The following CHSY3 variants were observed in gnomAD, a reference collection of about 807,000 sequenced individuals.
The protein encoded by CHSY3 is N-acetylgalactosaminyl-proteoglycan 3-beta-glucuronosyltransferase 3.
A neutral mutation model predicts 67.2 loss-of-function variants in CHSY3; 35 were observed. The ratio of observed to expected loss-of-function variants is 0.52; its 90% confidence interval spans 0.40 to 0.69. The LOEUF is 0.69. CHSY3 is among the 30% of genes least tolerant of loss of function. CHSY3 has a pLI of 0.00. For synonymous variants in CHSY3, 474 were observed against 434.7 expected, an observed-to-expected ratio of 1.09 and a Z score of -1.12; for missense variants, 1,069 against 1,138.5, an observed-to-expected ratio of 0.94 and a Z score of 0.88.
Position 129,904,649 on chromosome 5 carries a change from C to T in CHSY3, c.-181C>T. ...AGCTGAGCGGGAGCCCGGCAGGCAG[C>T]TGCAGCCCGCGGCAGTCGAGGCGTC... On this transcript the variant is annotated 5_prime_UTR_variant, in exon 1 of 3. Coordinates refer to ENST00000305031, the MANE Select transcript of CHSY3 (RefSeq NM_175856.5). The T allele has an allele frequency of 9.9e-7, 1 of 1,005,816 alleles. No individual in the cohort carries two copies. Among genetic ancestry groups the T allele is most frequent in the Non-Finnish European group, 1.3e-6 (1 of 791,064 alleles). The allele number at this position is 1,005,816 out of a possible 1,614,324, so 62.3% of individuals were successfully genotyped here. A position where few individuals can be genotyped will look rare whatever the true frequency, so the allele number is the denominator to read the frequency against.
chr5:130,005,307 C>T (rs529643751), intron 2 of CHSY3, among the ~76,000 whole-genome samples: 165 of 151,826 alleles, frequency 1.1e-3, no homozygotes, highest in Middle Eastern at 3.4e-3. Flanking sequence ...CCCAGCTACT[C>T]GGGAGGCTGA....
chr5:130,026,272 T>C (rs1764538471), intron 2 of CHSY3, among the ~76,000 whole-genome samples: 1 of 152,138 alleles, frequency 6.6e-6, no homozygotes, highest in Non-Finnish European at 1.5e-5. Context: ...CTCCTCTTAA[T>C]TACCAATCCA....
chr5:130,095,417 C>T lies in CHSY3; in HGVS notation c.1087-88812C>T, dbSNP rs191559975. On this transcript the variant is annotated intron_variant, in intron 2 of 2. Transcript: ENST00000305031. ...GTGCTAAACATAAGGGAACCGGGGACGAAACCTAGTGAAAGGAGCACAGAG... is the reference window on the plus strand; with the variant it reads ...GTGCTAAACATAAGGGAACCGGGGATGAAACCTAGTGAAAGGAGCACAGAG... Among the ~76,000 whole-genome samples, 17 of 152,086 alleles carry T rather than the reference C, an allele frequency of 1.1e-4. No homozygotes were observed. The East Asian group carries it at 2.1e-3, about 19-fold the overall frequency.
At chr5:130,071,257 G>A (rs907314246) in intron 2 of CHSY3, among the ~76,000 whole-genome samples, 7 of 152,114 alleles carry the variant, frequency 4.6e-5, no homozygotes, top group East Asian at 1.9e-4. Flanking sequence ...GTATAAGAGA[G>A]AACATTTGTC....
At chr5:130,029,126 C>T (rs1764639137) in intron 2 of CHSY3, among the ~76,000 whole-genome samples, 1 of 152,050 alleles carries the variant, frequency 6.6e-6, no homozygotes, top group Non-Finnish European at 1.5e-5. Context: ...CAGCCAAAAG[C>T]CAGTTGCCCC....
At chr5:130,065,938 A>G (rs1274340986) in intron 2 of CHSY3, among the ~76,000 whole-genome samples, 1 of 152,072 alleles carries the variant, frequency 6.6e-6, no homozygotes, top group Non-Finnish European at 1.5e-5. Context: ...TTTATATTAC[A>G]TTAAGATCTC....
intron 2 of CHSY3, among the ~76,000 whole-genome samples, chr5:130,133,863 C>G (rs1174070722): frequency 6.6e-6 from 1 of 150,968 alleles, no homozygotes; most frequent in African/African-American, 2.4e-5. Context: ...ATGTTTGCTC[C>G]CAAACATACA....
At chr5:130,049,185 G>A (rs1452239766) in intron 2 of CHSY3, among the ~76,000 whole-genome samples, 1 of 152,030 alleles carries the variant, frequency 6.6e-6, no homozygotes, top group African/African-American at 2.4e-5. Flanking sequence ...TAGAACTGAT[G>A]TTGAATTTCT....
chr5:129,951,551 A>C (rs1762023481), intron 2 of CHSY3, among the ~76,000 whole-genome samples: 1 of 152,178 alleles, frequency 6.6e-6, no homozygotes, highest in African/African-American at 2.4e-5. Flanking sequence ...TATCAATATG[A>C]GTAATAACAT....
chr5:130,055,058 T>C (rs1348941591), intron 2 of CHSY3, among the ~76,000 whole-genome samples: 2 of 152,186 alleles, frequency 1.3e-5, no homozygotes, highest in African/African-American at 2.4e-5. Context: ...ATCACTACTC[T>C]TCACCCTGTG....
intron 2 of CHSY3, among the ~76,000 whole-genome samples, chr5:129,950,349 G>A (rs1319595945): frequency 1.3e-5 from 2 of 152,016 alleles, no homozygotes; most frequent in African/African-American, 4.8e-5. Context: ...AGTTTTTCCT[G>A]TAAAACCAGG....
intron 2 of CHSY3, among the ~76,000 whole-genome samples, chr5:129,945,289 C>T (rs1438495410): frequency 6.6e-6 from 1 of 152,088 alleles, no homozygotes; most frequent in African/African-American, 2.4e-5. Flanking sequence ...TGGGAGAAAA[C>T]AAAAATTGCT....
chr5:130,177,737 C>T (rs1770098839), intron 2 of CHSY3, among the ~76,000 whole-genome samples: 3 of 152,044 alleles, frequency 2.0e-5, no homozygotes, highest in East Asian at 3.9e-4. Flanking sequence ...CTAATTTCAT[C>T]GGATTTAGCT....
At chr5:130,026,171 C>G (rs1021126373) in intron 2 of CHSY3, among the ~76,000 whole-genome samples, 1 of 152,130 alleles carries the variant, frequency 6.6e-6, no homozygotes, top group African/African-American at 2.4e-5. Context: ...GCAGCCCACC[C>G]TTTCTTTCCT....
rs545555400 is a variant in CHSY3, at chr5:129,910,851, T to C, written c.1086+2491T>C. On this transcript the variant is annotated intron_variant, in intron 2 of 2. Transcript: ENST00000305031. The stretch of plus-strand genomic sequence containing the variant: ...CTCAGTAAAGGTGAGATTTTACATC[T>C]GCTCATTAAAAAAGCTATGAAATTG... Among the ~76,000 whole-genome samples the C allele has an allele frequency of 8.5e-5, 13 of 152,202 alleles. No individual in the cohort carries two copies. In the South Asian group the frequency reaches 2.7e-3, roughly 32 times the overall value.
intron 2 of CHSY3, among the ~76,000 whole-genome samples, chr5:130,164,236 T>C (rs946926098): frequency 6.6e-6 from 1 of 152,186 alleles, no homozygotes. Flanking sequence ...ATAATAAAGA[T>C]ACTTGTAATA....
At chr5:129,979,222 A>AAAAAAAG (rs1762905435) in intron 2 of CHSY3, among the ~76,000 whole-genome samples, 4 of 149,120 alleles carry the variant, frequency 2.7e-5, no homozygotes, top group Non-Finnish European at 5.9e-5. Context: ...AAAAAAAAAA[A>AAAAAAAG]AAAGAAAGAA....
intron 2 of CHSY3, among the ~76,000 whole-genome samples, chr5:129,921,451 A>G (rs926465153): frequency 6.6e-6 from 1 of 152,208 alleles, no homozygotes; most frequent in Non-Finnish European, 1.5e-5. Flanking sequence ...TCAAGATTTT[A>G]TCACTCTATC....
rs541631499 is a variant in CHSY3, at chr5:130,044,356, T to C, written c.1086+135996T>C. On this transcript the variant is annotated intron_variant, in intron 2 of 2. Coordinates refer to ENST00000305031, the MANE Select transcript of CHSY3 (RefSeq NM_175856.5). ...AAATATGATGGTAGAAGCATCATCA[T>C]TGATTTTGATAACATGGGGTTTTGT... 4.6e-5 allele frequency among the ~76,000 whole-genome samples: 7 copies of C among 152,166 alleles called. No homozygotes were observed. In the South Asian group the frequency reaches 1.2e-3, roughly 27 times the overall value.
Sources: gnomAD v4.1 joint callset for allele counts (sites outside exome capture counted in the v4.1 genomes callset) on GRCh38, gnomAD v4.1.1 for gene constraint, MANE v1.5 for transcripts, NCBI Gene and HGNC (gene_info 2026-07-23, HGNC 2026-07-21) for gene names.